KRT73: variants seen among roughly 807,000 people sequenced by gnomAD.
The protein encoded by KRT73 is keratin 73, also known as keratin, type II cytoskeletal 73.
In KRT73, 44 loss-of-function variants were observed where a neutral mutation model predicts 47.2. That is an observed-to-expected ratio of 0.93 (90% CI 0.73 to 1.20). The LOEUF is 1.20. Ranked by LOEUF, KRT73 falls within the 50% of genes most tolerant of loss-of-function variation. KRT73 has a pLI of 0.00. For missense variants in KRT73, 713 were observed against 704.5 expected, an observed-to-expected ratio of 1.01 and a Z score of -0.14; for synonymous variants, 285 against 291.3, an observed-to-expected ratio of 0.98 and a Z score of 0.22.
intron 7 of KRT73, chr12:52,610,313 G>A (rs1317183560): frequency 1.4e-5 from 5 of 369,698 alleles, no homozygotes; most frequent in Admixed American, 3.7e-5. Flanking sequence ...CTGACCTCAG[G>A]TGATCCACCC....
Position 52,613,717 on chromosome 12 carries a change from C to T in KRT73, c.955G>A (p.Ala319Thr). Residue 319 changes from alanine (A) to threonine (T), a missense_variant, in exon 5 of 9, where the codon GCC (alanine) becomes ACC (threonine). Physicochemically the swap from Ala to Thr is moderately conservative, Grantham distance 58. Coordinates refer to ENST00000305748, the MANE Select transcript of KRT73 (RefSeq NM_175068.3). ...QYEEIARKSKAEAEALYQTKF... is the reference protein window; with the variant it reads ...QYEEIARKSKTEAEALYQTKF... Reference sequence around the variant, plus strand: ...GTCTGGTACAGGGCCTCGGCCTCGGCCTTGCTCTTCCGGGCGATCTCCTCA... The same window carrying T: ...GTCTGGTACAGGGCCTCGGCCTCGGTCTTGCTCTTCCGGGCGATCTCCTCA... The T allele has an allele frequency of 6.2e-7, 1 of 1,614,182 alleles. No individual in the cohort carries two copies. Among genetic ancestry groups the T allele is most frequent in the Non-Finnish European group, 8.5e-7 (1 of 1,180,024 alleles).
upstream of KRT73, among the ~76,000 whole-genome samples, chr12:52,619,945 A>G (rs1170966908): frequency 6.6e-6 from 1 of 152,120 alleles, no homozygotes; most frequent in Non-Finnish European, 1.5e-5. Context: ...AAATTGTTGT[A>G]CTAAGCAATT....
intron 7 of KRT73, 86 bp downstream of exon 7, chr12:52,610,529 G>GCCCACCCCC: frequency 3.4e-6 from 1 of 295,156 alleles, no homozygotes; most frequent in Non-Finnish European, 6.8e-6. Flanking sequence ...CCAGCTCGCC[G>GCCCACCCCC]CCCCCTCCCC....
Position 52,616,352 on chromosome 12 carries a change from A to T in KRT73, c.476T>A (p.Val159Glu), listed in dbSNP as rs767028841. 4 of 1,614,142 alleles carry T rather than the reference A, an allele frequency of 2.5e-6. No homozygotes were observed. Residue 159 changes from valine to glutamate, a missense_variant, in exon 2 of 9, where the codon GTG becomes GAG. Val to Glu is a moderately radical substitution (Grantham distance 121). Transcript: ENST00000305748. The part of the protein sequence containing the change: ...KVRFLEQQNQ[V>E]LETKWELLQQ... ...TAGCAGCTCCCACTTGGTCTCCAGCACCTGGTTCTGCTGCTCCAGGAACCG... is the reference window on the plus strand; with the variant it reads ...TAGCAGCTCCCACTTGGTCTCCAGCTCCTGGTTCTGCTGCTCCAGGAACCG...
the KRT73 span, among the ~76,000 whole-genome samples, chr12:52,628,258 C>G: frequency 2.0e-5 from 3 of 152,056 alleles, no homozygotes; most frequent in Non-Finnish European, 2.9e-5. Context: ...TATACTCATT[C>G]CGGCAGAAGG....
rs964100974 is a variant in KRT73 at position 52,607,854 on chromosome 12, G to C, written c.*342C>G. 1 of 221,528 alleles carries C rather than the reference G, an allele frequency of 4.5e-6. No homozygotes were observed. The highest frequency in any genetic ancestry group is 1.3e-4 in the South Asian group (1 of 7,620). The allele number at this position is 221,528 out of a possible 1,614,324, so 13.7% of individuals were successfully genotyped here. ...ATGGCCAAATAGTTACTGAGACAGG[G>C]TATGAAAGAGCAGCACAGGCAGATT... On this transcript the variant is annotated 3_prime_UTR_variant, in exon 9 of 9. Coordinates refer to ENST00000305748, the MANE Select transcript of KRT73 (RefSeq NM_175068.3).
rs749787800 is a variant in KRT73 at position 52,610,894 on chromosome 12, C to T, written c.1111-59G>A. 175 of 1,407,474 alleles carry T rather than the reference C, an allele frequency of 1.2e-4. 1 individual carries two copies. In the Middle Eastern group the frequency reaches 1.8e-3, roughly 14 times the overall value. The allele number at this position is 1,407,474 out of a possible 1,614,324, so 87.2% of individuals were successfully genotyped here. ...CCTCCCTGGGCCTCGCTTCACCTCT[C>T]CCATGCTCTCAATGGTTGAGCCCTC... On this transcript the variant is annotated intron_variant, in intron 6 of 8. Transcript: ENST00000305748.
chr12:52,616,519 C>T, intron 1 of KRT73, 139 bp from the exon 2 acceptor site: 2 of 1,003,424 alleles, frequency 2.0e-6, no homozygotes, highest in East Asian at 5.2e-5. Flanking sequence ...ACCCATGCCA[C>T]TCACACCCCC....
chr12:52,625,556 C>T, the KRT73 span, among the ~76,000 whole-genome samples: 1 of 150,218 alleles, frequency 6.7e-6, no homozygotes, highest in African/African-American at 2.5e-5. Context: ...ATGGCACAGC[C>T]ACTCTGGAAA....
the KRT73 span, among the ~76,000 whole-genome samples, chr12:52,629,055 G>T: frequency 1.3e-5 from 2 of 152,126 alleles, no homozygotes; most frequent in East Asian, 3.9e-4. Context: ...TTGAGGTCTG[G>T]ACCCTCCAGC....
chr12:52,610,237 A>C (rs750111686), intron 7 of KRT73: 30 of 271,248 alleles, frequency 1.1e-4, no homozygotes, highest in Admixed American at 2.8e-4. Context: ...CACCACATCC[A>C]GCTAACTTTT....
chr12:52,613,840 T>C lies in KRT73; in HGVS notation c.832A>G (p.Ile278Val). 1 of 1,613,906 alleles carries C rather than the reference T, an allele frequency of 6.2e-7. No individual in the cohort carries two copies. The highest frequency in any genetic ancestry group is 1.1e-5 in the South Asian group (1 of 91,044). The change falls in exon 5 of 9, where the codon ATC (isoleucine) becomes GTC (valine). Residue 278 changes from isoleucine (I) to valine (V), a missense_variant. Physicochemically the swap from Ile to Val is conservative, Grantham distance 29 (BLOSUM62 3). Transcript: ENST00000305748. ...KCLYEGETAQ[I>V]QSHISDTSII... Reference sequence around the variant, plus strand: ...GACGTGTCGCTGATGTGGGACTGGATCTGAGCAGTCTCCTGCAGGGGAAAC... The same window carrying C: ...GACGTGTCGCTGATGTGGGACTGGACCTGAGCAGTCTCCTGCAGGGGAAAC...
chr12:52,622,850 C>T (rs551429215), upstream of KRT73, among the ~76,000 whole-genome samples: 5 of 152,032 alleles, frequency 3.3e-5, no homozygotes, highest in South Asian at 2.1e-4. Flanking sequence ...AATGGATACA[C>T]GTAACAGGAG....
chr12:52,625,109 A>G, the KRT73 span, among the ~76,000 whole-genome samples: 1 of 152,214 alleles, frequency 6.6e-6, no homozygotes, highest in East Asian at 1.9e-4. Context: ...GTTAGATTTG[A>G]CATCAAAAGC....
rs780753670 is a variant in KRT73 at position 52,618,448 on chromosome 12, C to T, written c.77G>A (p.Gly26Glu). Residue 26 changes from glycine (G) to glutamate (E), a missense_variant, in exon 1 of 9, where the codon GGG becomes GAG. Physicochemically the swap from Gly to Glu is moderately conservative, Grantham distance 98. Transcript: ENST00000305748. ...GFSGCSAVLSGGSSSSYRAGG... is the reference protein window; with the variant it reads ...GFSGCSAVLSEGSSSSYRAGG... ...TGCTCGGTAGGAGGATGAGCTGCCC[C>T]CTGAGAGCACAGCGGAGCAGCCGCT... 5 of 1,614,042 alleles carry T rather than the reference C, an allele frequency of 3.1e-6. No homozygotes were observed. The South Asian group carries it at 4.4e-5, about 14-fold the overall frequency.
At chr12:52,615,088 C>T (rs1017574224) in intron 3 of KRT73, 191 bp downstream of exon 3, 7 of 553,436 alleles carry the variant, frequency 1.3e-5, no homozygotes, top group Non-Finnish European at 2.2e-5. Context: ...GGTTCCTGTC[C>T]ACAGACAAAG....
At chr12:52,618,014 C>A in intron 1 of KRT73, 64 bp downstream of exon 1, 2 of 1,511,268 alleles carry the variant, frequency 1.3e-6, no homozygotes, top group South Asian at 1.2e-5. Flanking sequence ...CAAATTAGGG[C>A]AGTGGCTCCC....
the KRT73 span, among the ~76,000 whole-genome samples, chr12:52,626,342 CT>C: frequency 1.3e-5 from 2 of 152,234 alleles, no homozygotes; most frequent in Non-Finnish European, 2.9e-5. Flanking sequence ...AGAGTCCATC[CT>C]TTTAACCACT....
intron 4 of KRT73, 66 bp downstream of exon 4, chr12:52,614,513 A>T (rs1940770298): frequency 7.2e-7 from 1 of 1,384,230 alleles, no homozygotes; most frequent in Non-Finnish European, 1.0e-6. Context: ...GATAAGTAAG[A>T]AACTGTTCAT....
Sources: gnomAD v4.1 joint callset for allele counts (sites outside exome capture counted in the v4.1 genomes callset) on GRCh38, gnomAD v4.1.1 for gene constraint, MANE v1.5 for transcripts, NCBI Gene and HGNC (gene_info 2026-07-23, HGNC 2026-07-21) for gene names.